TRAF3IP1: variants seen among roughly 807,000 people sequenced by gnomAD.
TRAF3IP1 encodes the protein TRAF3-interacting protein 1.
TRAF3IP1 carries 53 observed loss-of-function variants against 89.9 expected under a neutral mutation model. The ratio of observed to expected loss-of-function variants is 0.59; its 90% CI spans 0.47 to 0.74. The LOEUF (loss-of-function observed/expected upper bound fraction) is 0.74. Among genes scored for constraint, TRAF3IP1 ranks in the 30% least tolerant of loss-of-function variants. The probability of loss-of-function intolerance (pLI) is 0.00; values close to 1 mark genes in which losing one functional copy is unlikely to be tolerated. For synonymous variants in TRAF3IP1, 311 were observed against 322.1 expected (o/e 0.97, Z 0.37); for missense variants, 806 against 866.1 (o/e 0.93, Z 0.87).
intron 15 of TRAF3IP1, among the ~76,000 whole-genome samples, chr2:238,370,170 T>C (rs755073306): frequency 5.9e-5 from 9 of 152,300 alleles, no homozygotes; most frequent in Non-Finnish European, 1.3e-4. Context: ...GTGTTTGTTA[T>C]ATATGCGTGT....
chr2:238,367,994 A>G (rs1418799741), intron 15 of TRAF3IP1, among the ~76,000 whole-genome samples: 2 of 150,342 alleles, frequency 1.3e-5, no homozygotes, highest in African/African-American at 4.8e-5. Flanking sequence ...AAAAAAGGGA[A>G]ATTTGTGTTT....
At chr2:238,348,723 G>A (rs200870394) in intron 10 of TRAF3IP1, 41 bp from the exon 11 acceptor site, 712 of 1,543,896 alleles carry the variant, frequency 4.6e-4, no homozygotes, top group Non-Finnish European at 5.8e-4. Flanking sequence ...ATCTATGTGT[G>A]TTTTCCTTTG....
intron 12 of TRAF3IP1, among the ~76,000 whole-genome samples, chr2:238,352,605 G>T (rs1699223418): frequency 6.6e-6 from 1 of 152,066 alleles, no homozygotes; most frequent in Non-Finnish European, 1.5e-5. Flanking sequence ...GAAGCTGGGT[G>T]GGGGTGGAGG....
chr2:238,347,452 T>C lies in TRAF3IP1; in HGVS notation c.1262-3T>C. ...CTAATTTTCTGATGTGCTTTTTCTT[T>C]AGGTGACTCCACCAGTGATGCAGGT... On this transcript the variant is annotated splice_polypyrimidine_tract_variant and splice_region_variant and intron_variant, in intron 9 of 16. Transcript: ENST00000373327. The C allele has an allele frequency of 1.2e-6, 2 of 1,614,178 alleles. No individual in the cohort carries two copies. Among genetic ancestry groups the C allele is most frequent in the African/African-American group, 2.7e-5 (2 of 75,052 alleles).
At chr2:238,338,509 G>T in intron 8 of TRAF3IP1, 52 bp downstream of exon 8, 1 of 984,396 alleles carries the variant, frequency 1.0e-6, no homozygotes, top group Non-Finnish European at 1.5e-6. Flanking sequence ...TAATGTGAAT[G>T]GTTATATCTC....
intron 15 of TRAF3IP1, among the ~76,000 whole-genome samples, chr2:238,363,597 T>C (rs1699748615): frequency 6.6e-6 from 1 of 152,196 alleles, no homozygotes; most frequent in African/African-American, 2.4e-5. Flanking sequence ...GCAAAGCTGC[T>C]TACTTCTAGA....
chr2:238,332,756 CTT>C (rs1216210197), intron 5 of TRAF3IP1, 66 bp from the exon 6 acceptor site: 9 of 1,192,402 alleles, frequency 7.5e-6, no homozygotes, highest in Non-Finnish European at 9.8e-6. Context: ...TAGAAAATAT[CTT>C]GGCATATTTT....
At chr2:238,325,702 A>G (rs930108226) in intron 2 of TRAF3IP1, 107 bp from the exon 3 acceptor site, 6 of 1,129,838 alleles carry the variant, frequency 5.3e-6, no homozygotes, top group Non-Finnish European at 7.5e-6. Context: ...ATCTAAAAAC[A>G]GCTTTGTATG....
At chr2:238,341,849 G>C (rs957679388) in intron 8 of TRAF3IP1, among the ~76,000 whole-genome samples, 1 of 152,062 alleles carries the variant, frequency 6.6e-6, no homozygotes, top group African/African-American at 2.4e-5. Context: ...AAGCGCCAGT[G>C]TTCCACCCTA....
Position 238,352,937 on chromosome 2 carries a change from C to T in TRAF3IP1, c.1562C>T (p.Ser521Leu). 1 of 1,610,338 alleles carries T rather than the reference C, an allele frequency of 6.2e-7. No homozygotes were observed. The highest frequency in any genetic ancestry group is 8.5e-7 in the Non-Finnish European group (1 of 1,179,112). The change falls in exon 13 of 17, where the codon TCA becomes TTA. Residue 521 changes from serine to leucine, a missense_variant. Coordinates refer to ENST00000373327, the MANE Select transcript of TRAF3IP1 (RefSeq NM_015650.4). ...GCTGCCCCTCAGCTCTCTGAAATGT[C>T]AGAAATTGAAATGGTTAGTTAACCG... Reference protein sequence around the residue: ...VEAAPQLSEMSEIEMVTAVEL... With the variant: ...VEAAPQLSEMLEIEMVTAVEL...
intron 15 of TRAF3IP1, among the ~76,000 whole-genome samples, chr2:238,384,042 T>C (rs1390326833): frequency 6.6e-6 from 1 of 152,220 alleles, no homozygotes; most frequent in Non-Finnish European, 1.5e-5. Flanking sequence ...TGGCTTGTTC[T>C]CTGATTCAGC....
rs878921153 is a variant in TRAF3IP1, at chr2:238,398,912, G to A, written c.2069G>A (p.Arg690Lys). 1.2e-5 allele frequency: 20 copies of A among 1,600,166 alleles called. No homozygotes were observed. The highest frequency in any genetic ancestry group is 1.7e-5 in the Non-Finnish European group (20 of 1,176,460). ...GTATATAGTATCAATTTGACTTCGA[G>A]AAGGTGAACACTCAAAAGTTTCAGA... ...KMVYSINLTSRR is the reference protein window; with the variant it reads ...KMVYSINLTSKR The change falls in exon 17 of 17, where the codon AGA (arginine) becomes AAA (lysine). Residue 690 changes from arginine (R) to lysine (K), a missense_variant. Arg to Lys is a conservative substitution (Grantham distance 26). This residue lies in a region of TRAF3IP1 where 70 missense variants were observed against 67.8 expected (regional missense o/e 1.03). Transcript: ENST00000373327.
intron 9 of TRAF3IP1, among the ~76,000 whole-genome samples, chr2:238,347,024 T>C (rs946346321): frequency 2.0e-5 from 3 of 152,258 alleles, no homozygotes; most frequent in African/African-American, 7.2e-5. Context: ...CAATCATGTC[T>C]ATAAGATGGG....
chr2:238,344,445 C>A, intron 8 of TRAF3IP1, 52 bp from the exon 9 acceptor site: 1 of 1,420,512 alleles, frequency 7.0e-7, no homozygotes, highest in Non-Finnish European at 9.9e-7. Flanking sequence ...CGCTGATCAC[C>A]GGCCCTTTGG....
At chr2:238,367,857 GGCCCGGA>G (rs1699950829) in intron 15 of TRAF3IP1, among the ~76,000 whole-genome samples, 1 of 152,218 alleles carries the variant, frequency 6.6e-6, no homozygotes, top group Non-Finnish European at 1.5e-5. Flanking sequence ...GCATGCCCCA[GGCCCGGA>G]GCCTGTGCCT....
Position 238,332,376 on chromosome 2 carries a change from A to G in TRAF3IP1, c.916-448A>G, listed in dbSNP as rs531396679. Among the ~76,000 whole-genome samples, 131 of 152,326 alleles carry G rather than the reference A, an allele frequency of 8.6e-4. 1 individual carries two copies. The Middle Eastern group carries it at 0.01, about 12-fold the overall frequency. On this transcript the variant is annotated intron_variant, in intron 5 of 16. Coordinates refer to ENST00000373327, the MANE Select transcript of TRAF3IP1 (RefSeq NM_015650.4). ...TAAAGTCTGAAGCCTTTGCGTAAAA[A>G]GAATTGCCCCATTCTATTAATAAAG...
intron 15 of TRAF3IP1, among the ~76,000 whole-genome samples, chr2:238,387,357 A>G (rs1700815079): frequency 6.6e-6 from 1 of 152,236 alleles, no homozygotes; most frequent in Non-Finnish European, 1.5e-5. Flanking sequence ...GCAGTTTTCT[A>G]GCTGCTGCCA....
intron 15 of TRAF3IP1, among the ~76,000 whole-genome samples, chr2:238,380,037 T>C (rs1270110960): frequency 1.3e-5 from 2 of 152,222 alleles, no homozygotes; most frequent in Non-Finnish European, 2.9e-5. Flanking sequence ...TTCTAAAATG[T>C]AGAGAAAGTG....
In TRAF3IP1 at chr2:238,351,632, G is replaced by T. The variant is rs965566116; in HGVS notation, c.1452-1195G>T. Among the ~76,000 whole-genome samples, 20 of 152,298 alleles carry T rather than the reference G, an allele frequency of 1.3e-4. No individual in the cohort carries two copies. The highest frequency in any genetic ancestry group is 3.4e-3 in the Middle Eastern group (1 of 294). On this transcript the variant is annotated intron_variant, in intron 12 of 16. Coordinates refer to ENST00000373327, the MANE Select transcript of TRAF3IP1 (RefSeq NM_015650.4). The surrounding 1 kb of genome is among the most constrained non-coding windows in gnomAD (Gnocchi z 5.2). Reference sequence around the variant, plus strand: ...GTGAGAGACGAGGGACGGGAGCCTGGACTTCCTGGTACTGACAGAGCAGCG... The same window carrying T: ...GTGAGAGACGAGGGACGGGAGCCTGTACTTCCTGGTACTGACAGAGCAGCG...
Sources: allele counts gnomAD v4.1 joint callset (sites outside exome capture counted in the v4.1 genomes callset), GRCh38; gene constraint gnomAD v4.1.1; regional missense constraint gnomAD v4.1.1; non-coding constraint Gnocchi (gnomAD v3.1); transcripts MANE v1.5; gene names NCBI Gene and HGNC (gene_info 2026-07-23, HGNC 2026-07-21).